The following ASB15 variants were observed in gnomAD, a reference collection of about 807,000 sequenced individuals.
The protein encoded by ASB15 is ankyrin repeat and SOCS box containing 15.
ASB15 carries 54 observed loss-of-function variants against 58.0 expected under a neutral mutation model. The ratio of observed to expected loss-of-function variants is 0.93; its 90% CI spans 0.75 to 1.17. The LOEUF (loss-of-function observed/expected upper bound fraction) is 1.17. Ranked by LOEUF, ASB15 falls within the 50% of genes most tolerant of loss-of-function variation. The pLI is 0.00. For synonymous variants in ASB15, 249 were observed against 262.4 expected (o/e 0.95, Z 0.50); for missense variants, 680 against 707.4 (o/e 0.96, Z 0.44).
intron 7 of ASB15, among the ~76,000 whole-genome samples, chr7:123,619,408 G>A (rs1801079197): frequency 6.6e-6 from 1 of 152,138 alleles, no homozygotes; most frequent in African/African-American, 2.4e-5. Context: ...AAAGAGCCTT[G>A]CTCTTGGAGA....
At chr7:123,633,225 C>A (rs1367040797) in intron 11 of ASB15, among the ~76,000 whole-genome samples, 1 of 152,040 alleles carries the variant, frequency 6.6e-6, no homozygotes, top group Non-Finnish European at 1.5e-5. Context: ...GGAGAAGATG[C>A]AATACATAAT....
At chr7:123,618,795 A>T (rs1158915811) in intron 7 of ASB15, among the ~76,000 whole-genome samples, 2 of 152,222 alleles carry the variant, frequency 1.3e-5, no homozygotes, top group South Asian at 4.1e-4. Flanking sequence ...GAATATTGTT[A>T]AGCAAACTTG....
chr7:123,629,188 G>C lies in ASB15; in HGVS notation c.1194G>C (p.Leu398=). ...VRANNYEIVR[L]LLSHGANVNC... ...CCAATAATTATGAAATTGTCAGGCT[G>C]CTTCTCTCCCATGGAGCTAATGTCA... is the stretch of plus-strand genomic sequence containing the variant. The change falls in exon 10 of 12, where the codon CTG becomes CTC. Residue 398 remains leucine (L), a synonymous_variant. Coordinates refer to ENST00000451215, the MANE Select transcript of ASB15 (RefSeq NM_001290258.2). 1 of 1,613,942 alleles carries C rather than the reference G, an allele frequency of 6.2e-7. No individual in the cohort carries two copies.
At chr7:123,610,458 A>G (rs554318963) in intron 3 of ASB15, among the ~76,000 whole-genome samples, 6 of 152,242 alleles carry the variant, frequency 3.9e-5, no homozygotes, top group Non-Finnish European at 7.3e-5. Context: ...CACTATCTGA[A>G]TTAAGGATTT....
chr7:123,578,581 TA>T (rs1186939721), intron 1 of ASB15, among the ~76,000 whole-genome samples: 1 of 152,012 alleles, frequency 6.6e-6, no homozygotes, highest in Non-Finnish European at 1.5e-5. Flanking sequence ...ACCAGACTGA[TA>T]TTTTTCCTTA....
intron 3 of ASB15, among the ~76,000 whole-genome samples, chr7:123,611,457 A>AT (rs964461894): frequency 1.3e-4 from 19 of 145,216 alleles, no homozygotes; most frequent in African/African-American, 4.5e-4. Flanking sequence ...ACCGTACCTA[A>AT]TTTTTTTTGT....
chr7:123,618,497 C>T (rs979809697), intron 7 of ASB15, among the ~76,000 whole-genome samples: 1 of 152,106 alleles, frequency 6.6e-6, no homozygotes. Flanking sequence ...AAATACAACA[C>T]CTACCATGCA....
At chr7:123,584,056 G>A (rs1424091775) in intron 1 of ASB15, among the ~76,000 whole-genome samples, 2 of 151,860 alleles carry the variant, frequency 1.3e-5, no homozygotes, top group Non-Finnish European at 2.9e-5. Context: ...TGCATGTACT[G>A]CTTTGGTGAG....
At chr7:123,604,624 G>A (rs1258092509) in intron 2 of ASB15, among the ~76,000 whole-genome samples, 1 of 151,896 alleles carries the variant, frequency 6.6e-6, no homozygotes, top group Non-Finnish European at 1.5e-5. Flanking sequence ...ACCGTGTGAG[G>A]AGATAGCAAA....
intron 1 of ASB15, among the ~76,000 whole-genome samples, chr7:123,594,961 C>T (rs1176257918): frequency 2.0e-5 from 3 of 152,272 alleles, no homozygotes; most frequent in Non-Finnish European, 2.9e-5. Context: ...GCTTCCCTGC[C>T]GCTTTGTTTA....
intron 7 of ASB15, among the ~76,000 whole-genome samples, chr7:123,623,494 G>A (rs958736315): frequency 1.3e-5 from 2 of 151,998 alleles, no homozygotes; most frequent in South Asian, 2.1e-4. Context: ...CTACATTAAC[G>A]GTCACTTACT....
chr7:123,618,966 G>A (rs1801023556), intron 7 of ASB15, among the ~76,000 whole-genome samples: 1 of 151,906 alleles, frequency 6.6e-6, no homozygotes, highest in Non-Finnish European at 1.5e-5. Context: ...ACGAGGTCAG[G>A]AGTTCAAGAC....
At position 123,616,498 on chromosome 7, in the gene ASB15, A is replaced by G; in HGVS notation, c.292+3A>G. ...AATACTTGAGATTGTTCTGGATGGT[A>G]AGAGAACATAAAACATGTTTGACCA... is the stretch of plus-strand genomic sequence containing the variant. On this transcript the variant is annotated splice_donor_region_variant and intron_variant, in intron 6 of 11. Transcript: ENST00000451215. The G allele has an allele frequency of 1.2e-6, 2 of 1,611,264 alleles. No homozygotes were observed. Among genetic ancestry groups the G allele is most frequent in the Non-Finnish European group, 1.7e-6 (2 of 1,178,568 alleles).
intron 8 of ASB15, among the ~76,000 whole-genome samples, chr7:123,626,437 A>C (rs1388670882): frequency 6.6e-6 from 1 of 152,154 alleles, no homozygotes; most frequent in East Asian, 1.9e-4. Context: ...ACACCACCGC[A>C]CTCCAGCCTG....
At chr7:123,587,116 A>G (rs1182415110) in intron 1 of ASB15, among the ~76,000 whole-genome samples, 1 of 151,676 alleles carries the variant, frequency 6.6e-6, no homozygotes, top group African/African-American at 2.4e-5. Flanking sequence ...CATCATTGGA[A>G]TTTTGGTAAG....
In ASB15 at chr7:123,638,968, T is replaced by C. The variant is rs1447630627; in HGVS notation, c.*1987T>C. On this transcript the variant is annotated 3_prime_UTR_variant, in exon 12 of 12. Transcript: ENST00000451215. Reference sequence around the variant, plus strand: ...TTCCCTAGAGCATGGAGTTCAATAATTGTTTGTTGAAATATATTGAATAAG... The same window carrying C: ...TTCCCTAGAGCATGGAGTTCAATAACTGTTTGTTGAAATATATTGAATAAG... 2 of 152,226 alleles carry C rather than the reference T, an allele frequency of 1.3e-5. No individual in the cohort carries two copies. The highest frequency in any genetic ancestry group is 6.5e-5 in the Admixed American group (1 of 15,290). 9.4% of individuals were successfully genotyped at this position (152,226 alleles called of 1,614,324 possible). A position where few individuals can be genotyped will look rare whatever the true frequency, so the allele number is the denominator to read the frequency against.
chr7:123,603,769 G>A (rs1389650746), intron 1 of ASB15, among the ~76,000 whole-genome samples: 1 of 152,146 alleles, frequency 6.6e-6, no homozygotes, highest in Non-Finnish European at 1.5e-5. Flanking sequence ...GAGTCCAATA[G>A]GGTCCTGCAT....
At chr7:123,601,541 A>T (rs1799881194), upstream of ASB15, among the ~76,000 whole-genome samples, 1 of 152,210 alleles carries the variant, frequency 6.6e-6, no homozygotes, top group Non-Finnish European at 1.5e-5. Context: ...TGTCTCTTGA[A>T]CAAATACCTT....
In ASB15 at chr7:123,614,596, C is replaced by T; in HGVS notation, c.94C>T (p.Leu32Phe). ...ATCCATTGAAGCCAGCAAGACTGCA[C>T]TTTGTCCTGAAAGGTAGTATTCAAA... Reference protein sequence around the residue: ...QESIEASKTALCPERFVPLSA... With the variant: ...QESIEASKTAFCPERFVPLSA... Residue 32 changes from leucine to phenylalanine, a missense_variant, in exon 4 of 12, where the codon CTT becomes TTT. By Grantham distance (22) the Leu-to-Phe change is conservative. Coordinates refer to ENST00000451215, the MANE Select transcript of ASB15 (RefSeq NM_001290258.2). 6.2e-7 allele frequency: 1 copy of T among 1,600,934 alleles called. No individual in the cohort carries two copies. The highest frequency in any genetic ancestry group is 8.6e-7 in the Non-Finnish European group (1 of 1,168,714).
Sources: allele counts gnomAD v4.1 joint callset (sites outside exome capture counted in the v4.1 genomes callset), GRCh38; gene constraint gnomAD v4.1.1; transcripts MANE v1.5; gene names NCBI Gene and HGNC (gene_info 2026-07-23, HGNC 2026-07-21).